MRC1: variants seen among roughly 807,000 people sequenced by gnomAD.
MRC1 encodes the protein macrophage mannose receptor 1.
Under a neutral mutation model 102.9 loss-of-function variants are expected in MRC1, and 62 were observed. The ratio of observed to expected loss-of-function variants is 0.60; its 90% CI spans 0.49 to 0.74. The LOEUF is 0.74. Among genes scored for constraint, MRC1 ranks in the 30% least tolerant of loss-of-function variants. The pLI, the probability that MRC1 is intolerant of heterozygous loss-of-function variation, is 0.00. For synonymous variants in MRC1, 457 were observed against 298.4 expected (o/e 1.53, Z -5.48); for missense variants, 1,237 against 862.8 (o/e 1.43, Z -5.43).
rs1319314200 is a variant in MRC1 at position 17,879,804 on chromosome 10, C to T, written c.2702C>T (p.Thr901Ile). The T allele has an allele frequency of 1.3e-6, 1 of 780,772 alleles. No individual in the cohort carries two copies. The highest frequency in any genetic ancestry group is 1.7e-5 in the African/African-American group (1 of 59,136). 48.4% of individuals were successfully genotyped at this position (780,772 alleles called of 1,614,324 possible). The change falls in exon 19 of 30, where the codon ACC (threonine) becomes ATC (isoleucine). Residue 901 changes from threonine (T) to isoleucine (I), a missense_variant. By Grantham distance (89) the Thr-to-Ile change is moderately conservative. Coordinates refer to ENST00000569591, the MANE Select transcript of MRC1 (RefSeq NM_002438.4). ...GCAAATGAAGATGAAAACTGTGTGA[C>T]CATGTATTCAAATTCAGGTAGGCAA... ...NFANEDENCVTMYSNSGFWND... is the reference protein window; with the variant it reads ...NFANEDENCVIMYSNSGFWND...
chr10:17,889,551 C>A (rs1188434056), intron 22 of MRC1, among the ~76,000 whole-genome samples: 2 of 152,162 alleles, frequency 1.3e-5, no homozygotes, highest in Non-Finnish European at 2.9e-5. Flanking sequence ...CAGGCATGAG[C>A]CACCACTCTT....
At chr10:17,889,422 C>A (rs946088314) in intron 22 of MRC1, among the ~76,000 whole-genome samples, 101 of 151,872 alleles carry the variant, frequency 6.7e-4, no homozygotes, top group Middle Eastern at 3.4e-3. Context: ...AAGCTTTTTT[C>A]TTTTCTTTTT....
At chr10:17,819,709 G>A (rs911717468) in intron 1 of MRC1, among the ~76,000 whole-genome samples, 7 of 152,092 alleles carry the variant, frequency 4.6e-5, no homozygotes, top group Non-Finnish European at 8.8e-5. Context: ...TTGGGAGGCC[G>A]AGGCAGGAGG....
chr10:17,878,040 T>C, intron 18 of MRC1, 73 bp downstream of exon 18: 1 of 823,320 alleles, frequency 1.2e-6, no homozygotes, highest in Non-Finnish European at 2.1e-6. Flanking sequence ...TATTTTGAGA[T>C]TTTTCTTTGT....
At chr10:17,830,536 G>A (rs969803766) in intron 3 of MRC1, among the ~76,000 whole-genome samples, 1 of 151,314 alleles carries the variant, frequency 6.6e-6, no homozygotes, top group African/African-American at 2.5e-5. Context: ...TCCATTGTCC[G>A]TTGCATTGTT....
At chr10:17,845,174 GAC>G in intron 5 of MRC1, 113 bp from the exon 6 acceptor site, 1 of 779,898 alleles carries the variant, frequency 1.3e-6, no homozygotes, top group South Asian at 1.3e-5. Flanking sequence ...TGTAGCAAAA[GAC>G]AGAATGGTGG....
chr10:17,880,846 TC>T (rs1833503666), intron 20 of MRC1, among the ~76,000 whole-genome samples, 176 bp downstream of exon 20: 1 of 152,242 alleles, frequency 6.6e-6, no homozygotes, highest in Non-Finnish European at 1.5e-5. Context: ...TGAGATATTA[TC>T]CACATGGATG....
chr10:17,898,313 G>T, intron 24 of MRC1, 47 bp downstream of exon 24: 2 of 780,644 alleles, frequency 2.6e-6, no homozygotes, highest in South Asian at 2.7e-5. Flanking sequence ...AGTGAATTAT[G>T]GTTGAATATG....
intron 28 of MRC1, among the ~76,000 whole-genome samples, chr10:17,908,838 G>T (rs1833931977): frequency 6.6e-6 from 1 of 152,184 alleles, no homozygotes; most frequent in Non-Finnish European, 1.5e-5. Flanking sequence ...CAAAGTGCTG[G>T]GATTACAGGC....
chr10:17,898,603 A>G (rs1215056136), intron 24 of MRC1, among the ~76,000 whole-genome samples: 1 of 152,206 alleles, frequency 6.6e-6, no homozygotes, highest in Non-Finnish European at 1.5e-5. Flanking sequence ...TGGCATGAGA[A>G]TTAAGAAAGC....
intron 8 of MRC1, among the ~76,000 whole-genome samples, chr10:17,853,688 G>A (rs522417): frequency 0.89 from 134,783 of 151,830 alleles, 59,861 homozygotes; most frequent in South Asian, 0.93. Flanking sequence ...TCTACTTACA[G>A]CTACGGTGGA....
chr10:17,848,493 A>C (rs1248978446), intron 6 of MRC1, among the ~76,000 whole-genome samples: 1 of 152,216 alleles, frequency 6.6e-6, no homozygotes, highest in Non-Finnish European at 1.5e-5. Flanking sequence ...TTTGCAGCGT[A>C]TAATCAAGAT....
intron 4 of MRC1, among the ~76,000 whole-genome samples, chr10:17,835,953 T>C (rs1838656196): frequency 6.6e-6 from 1 of 152,336 alleles, no homozygotes; most frequent in African/African-American, 2.4e-5. Context: ...TAGTTCCTGC[T>C]GTATCCAGGT....
At position 17,894,323 on chromosome 10, in the gene MRC1, C is replaced by A. The variant is rs1833721827; in HGVS notation, c.3250+11C>A. On this transcript the variant is annotated intron_variant, in intron 23 of 29. Coordinates refer to ENST00000569591, the MANE Select transcript of MRC1 (RefSeq NM_002438.4). ...GCCAGACACGATCCGGTAAGTTCTA[C>A]CAAACCTTACCTTCCTGAAAGAGCT... The A allele has an allele frequency of 3.4e-6, 3 of 870,866 alleles. No homozygotes were observed. Among genetic ancestry groups the A allele is most frequent in the South Asian group, 1.3e-5 (1 of 76,464 alleles). The allele number at this position is 870,866 out of a possible 1,614,324, so 53.9% of individuals were successfully genotyped here.
chr10:17,868,856 A>G (rs1833315838), intron 12 of MRC1, among the ~76,000 whole-genome samples: 8 of 152,338 alleles, frequency 5.3e-5, no homozygotes. Flanking sequence ...AAGGCGATGT[A>G]TTGGGCTAAG....
chr10:17,867,572 A>T lies in MRC1; in HGVS notation c.1983+811A>T, dbSNP rs998285948. ...CAAGTAGCTACAGATATGCACCACC[A>T]TGCCTAGCTAATTTTTAAAATCTTA... is the stretch of plus-strand genomic sequence containing the variant. On this transcript the variant is annotated intron_variant, in intron 12 of 29. Coordinates refer to ENST00000569591, the MANE Select transcript of MRC1 (RefSeq NM_002438.4). 9.2e-5 allele frequency among the ~76,000 whole-genome samples: 14 copies of T among 152,080 alleles called. No individual in the cohort carries two copies. In the East Asian group the frequency reaches 2.7e-3, roughly 30 times the overall value.
At position 17,829,183 on chromosome 10, in the gene MRC1, G is replaced by A. The variant is rs1387366722; in HGVS notation, c.637+1468G>A. On this transcript the variant is annotated intron_variant, in intron 3 of 29. Transcript: ENST00000569591. Reference sequence around the variant, plus strand: ...ACCACCTGAGTAACAATAGAATCACGACTATCACAACTCAACTTTCCAGAC... The same window carrying A: ...ACCACCTGAGTAACAATAGAATCACAACTATCACAACTCAACTTTCCAGAC... Among the ~76,000 whole-genome samples the A allele has an allele frequency of 5.3e-5, 8 of 151,556 alleles. No homozygotes were observed. The South Asian group carries it at 1.5e-3, about 27-fold the overall frequency.
chr10:17,888,565 G>A (rs1311909178), intron 22 of MRC1, among the ~76,000 whole-genome samples: 8 of 152,090 alleles, frequency 5.3e-5, no homozygotes, highest in African/African-American at 1.9e-4. Flanking sequence ...TAATTTCTAG[G>A]TATTTTGGAA....
rs1006145990 is a variant in MRC1 at position 17,831,273 on chromosome 10, C to A, written c.638-2402C>A. Among the ~76,000 whole-genome samples, 27 of 151,220 alleles carry A rather than the reference C, an allele frequency of 1.8e-4. No individual in the cohort carries two copies. The South Asian group carries it at 5.2e-3, about 29-fold the overall frequency. On this transcript the variant is annotated intron_variant, in intron 3 of 29. Coordinates refer to ENST00000569591, the MANE Select transcript of MRC1 (RefSeq NM_002438.4). ...TAAAACATCTCTATCTTCAAATATA[C>A]CCCAAATTAGTCTTATTTGAATGGT...
Sources: allele counts gnomAD v4.1 joint callset (sites outside exome capture counted in the v4.1 genomes callset), GRCh38; gene constraint gnomAD v4.1.1; transcripts MANE v1.5; gene names NCBI Gene and HGNC (gene_info 2026-07-23, HGNC 2026-07-21).